The following RGMB variants were observed in gnomAD, a reference collection of about 807,000 sequenced individuals.
RGMB encodes the protein repulsive guidance molecule B.
Under a neutral mutation model 26.9 loss-of-function variants are expected in RGMB, and 16 were observed. That is an observed-to-expected ratio of 0.60 (90% CI 0.40 to 0.90). The LOEUF is 0.90. RGMB is among the 40% of genes least tolerant of loss of function. The probability of loss-of-function intolerance (pLI) is 0.00; values close to 1 mark genes in which losing one functional copy is unlikely to be tolerated. For synonymous variants in RGMB, 225 were observed against 229.3 expected, an observed-to-expected ratio of 0.98 and a Z score of 0.17; for missense variants, 512 against 573.3, an observed-to-expected ratio of 0.89 and a Z score of 1.09.
chr5:98,774,366 C>T (rs1478606262), intron 1 of RGMB, among the ~76,000 whole-genome samples, 160 bp downstream of exon 1: 2 of 152,140 alleles, frequency 1.3e-5, no homozygotes, highest in Non-Finnish European at 2.9e-5. Context: ...GGCTCCGGGC[C>T]ACAGTAACGC....
intron 1 of RGMB, among the ~76,000 whole-genome samples, chr5:98,778,394 T>C (rs1023773333): frequency 6.6e-6 from 1 of 152,210 alleles, no homozygotes; most frequent in Non-Finnish European, 1.5e-5. Flanking sequence ...ATAAGATATT[T>C]ACTGTCTGGA....
intron 1 of RGMB, among the ~76,000 whole-genome samples, chr5:98,778,792 T>C (rs777410539): frequency 6.6e-6 from 1 of 152,210 alleles, no homozygotes; most frequent in Non-Finnish European, 1.5e-5. Context: ...AATGTTTATA[T>C]GAATTGTTTT....
In RGMB at chr5:98,794,004, G is replaced by A. The variant is rs1248734307; in HGVS notation, c.*251G>A. The A allele has an allele frequency of 8.2e-6, 3 of 367,662 alleles. No homozygotes were observed. The highest frequency in any genetic ancestry group is 1.4e-5 in the Non-Finnish European group (3 of 207,296). The allele number at this position is 367,662 out of a possible 1,614,324, so 22.8% of individuals were successfully genotyped here. A position where few individuals can be genotyped will look rare whatever the true frequency, so the allele number is the denominator to read the frequency against. On this transcript the variant is annotated 3_prime_UTR_variant, in exon 3 of 3. Transcript: ENST00000513185. Reference sequence around the variant, plus strand: ...AATGTTTTATAATGTCCCTGCCCAGGGACCTGTTAGAAAGCACTTTATTTT... The same window carrying A: ...AATGTTTTATAATGTCCCTGCCCAGAGACCTGTTAGAAAGCACTTTATTTT...
At chr5:98,792,828 CTCTT>C (rs1041635754) in intron 2 of RGMB, 16 of 281,868 alleles carry the variant, frequency 5.7e-5, no homozygotes, top group Admixed American at 4.3e-4. Flanking sequence ...CACTTGCTCA[CTCTT>C]TCTCTTAGGA....
In RGMB at chr5:98,794,373, T is replaced by C. The variant is rs1747049570; in HGVS notation, c.*620T>C. ...TGTTACTTTTTCAGAAGGGGGGGTA[T>C]TATTGGTATTCTGATTACTCTCAAT... On this transcript the variant is annotated 3_prime_UTR_variant, in exon 3 of 3. Transcript: ENST00000513185. 6.7e-6 allele frequency: 1 copy of C among 150,058 alleles called. No homozygotes were observed. Among genetic ancestry groups the C allele is most frequent in the Admixed American group, 7.0e-5 (1 of 14,324 alleles). 9.3% of individuals were successfully genotyped at this position (150,058 alleles called of 1,614,324 possible).
chr5:98,791,945 A>C (rs964381967), intron 2 of RGMB, among the ~76,000 whole-genome samples: 1 of 152,120 alleles, frequency 6.6e-6, no homozygotes, highest in African/African-American at 2.4e-5. Context: ...TTCTTTGATG[A>C]ATTTATGTGC....
rs754251572 is a variant in RGMB at position 98,779,994 on chromosome 5, A to G, written c.551A>G (p.Glu184Gly). The change falls in exon 2 of 3, where the codon GAA becomes GGA. Residue 184 changes from glutamate to glycine, a missense_variant. By Grantham distance (98) the Glu-to-Gly change is moderately conservative. Coordinates refer to ENST00000513185, the MANE Select transcript of RGMB (RefSeq NM_001366508.1). ...FKDNFQTCKV[E>G]GAWPLIDNNY... is the part of the protein sequence containing the mutation. Reference sequence around the variant, plus strand: ...GATAACTTCCAAACATGCAAAGTAGAAGGGGCCTGGCCACTCATAGATAAT... The same window carrying G: ...GATAACTTCCAAACATGCAAAGTAGGAGGGGCCTGGCCACTCATAGATAAT... The G allele has an allele frequency of 1.9e-6, 3 of 1,613,954 alleles. No homozygotes were observed. The highest frequency in any genetic ancestry group is 1.1e-5 in the South Asian group (1 of 91,086).
chr5:98,772,212 G>C (rs1204511528), upstream of RGMB, among the ~76,000 whole-genome samples: 2 of 152,228 alleles, frequency 1.3e-5, no homozygotes, highest in Non-Finnish European at 2.9e-5. Context: ...ATTGTGGATA[G>C]TGAAAGGTGT....
At chr5:98,774,562 AAGTC>A (rs1262443608) in intron 1 of RGMB, among the ~76,000 whole-genome samples, 1 of 152,130 alleles carries the variant, frequency 6.6e-6, no homozygotes, top group Non-Finnish European at 1.5e-5. Context: ...TGTTTACTGA[AAGTC>A]AGGCTCGGAT....
chr5:98,780,605 A>T (rs1462568851), intron 2 of RGMB: 1 of 153,134 alleles, frequency 6.5e-6, no homozygotes, highest in Non-Finnish European at 1.5e-5. Context: ...TGGTTTAGTT[A>T]CTAACCTCTT....
chr5:98,785,479 C>T (rs1380876884), intron 2 of RGMB, among the ~76,000 whole-genome samples: 5 of 152,150 alleles, frequency 3.3e-5, no homozygotes, highest in Non-Finnish European at 7.4e-5. Flanking sequence ...CCCCTCCTTG[C>T]CAAATCATTG....
intron 2 of RGMB, among the ~76,000 whole-genome samples, chr5:98,792,276 A>T (rs887259110): frequency 6.6e-6 from 1 of 152,188 alleles, no homozygotes; most frequent in Non-Finnish European, 1.5e-5. Context: ...TTTTAATCCT[A>T]TGAAGAATCT....
At chr5:98,785,942 C>T (rs969833974) in intron 2 of RGMB, among the ~76,000 whole-genome samples, 7 of 152,142 alleles carry the variant, frequency 4.6e-5, no homozygotes, top group African/African-American at 1.4e-4. Context: ...TGCTTTATAT[C>T]ATTTCAGTAA....
chr5:98,780,874 G>GT (rs1320398242), intron 2 of RGMB: 1 of 152,158 alleles, frequency 6.6e-6, no homozygotes, highest in African/African-American at 2.4e-5. Context: ...TATGAACTAG[G>GT]TTTCTAATTG....
chr5:98,772,448 C>A (rs1746197785), upstream of RGMB, among the ~76,000 whole-genome samples: 1 of 152,152 alleles, frequency 6.6e-6, no homozygotes, highest in South Asian at 2.1e-4. Flanking sequence ...ATAAGAAATT[C>A]CTAATTAGAG....
At chr5:98,780,296 C>T (rs1246718522) in intron 2 of RGMB, 3 of 527,520 alleles carry the variant, frequency 5.7e-6, no homozygotes, top group South Asian at 3.1e-5. Context: ...TTTAAATAGA[C>T]AGTGATATAA....
Position 98,774,022 on chromosome 5 carries a change from G to A in RGMB, c.-49G>A, listed in dbSNP as rs1277145506. The A allele has an allele frequency of 5.9e-6, 4 of 674,196 alleles. No individual in the cohort carries two copies. Among genetic ancestry groups the A allele is most frequent in the Non-Finnish European group, 1.0e-5 (4 of 391,582 alleles). The allele number at this position is 674,196 out of a possible 1,614,324, so 41.8% of individuals were successfully genotyped here. ...GCCACGGGCCCAGACCCGCCACGGC[G>A]CCCGCGCCGCCGCCCTCGCCGGAGC... On this transcript the variant is annotated 5_prime_UTR_variant, in exon 1 of 3. Coordinates refer to ENST00000513185, the MANE Select transcript of RGMB (RefSeq NM_001366508.1).
chr5:98,790,591 A>T (rs1233318781), intron 2 of RGMB, among the ~76,000 whole-genome samples: 1 of 152,210 alleles, frequency 6.6e-6, no homozygotes, highest in African/African-American at 2.4e-5. Flanking sequence ...TAATGAAAAA[A>T]ACAGCCGTGG....
rs957922286 is a variant in RGMB, at chr5:98,795,183, A to G, written c.*1430A>G. The stretch of plus-strand genomic sequence containing the variant: ...GCAGTAATCTGAGAAAGTTAACTCC[A>G]GGATAGGTAGGTTTCTATTGTTATA... On this transcript the variant is annotated 3_prime_UTR_variant, in exon 3 of 3. Transcript: ENST00000513185. 2.0e-5 allele frequency: 3 copies of G among 152,252 alleles called. No homozygotes were observed. The highest frequency in any genetic ancestry group is 6.5e-5 in the Admixed American group (1 of 15,290). The allele number at this position is 152,252 out of a possible 1,614,324, so 9.4% of individuals were successfully genotyped here.
Sources: allele counts gnomAD v4.1 joint callset (sites outside exome capture counted in the v4.1 genomes callset), GRCh38; gene constraint gnomAD v4.1.1; transcripts MANE v1.5; gene names NCBI Gene and HGNC (gene_info 2026-07-23, HGNC 2026-07-21).